Variants in TRIM24 observed in about 807,000 individuals in gnomAD.
The protein encoded by TRIM24 is transcription intermediary factor 1-alpha.
Under a neutral mutation model 123.9 loss-of-function variants are expected in TRIM24, and 29 were observed. The ratio of observed to expected loss-of-function variants is 0.23; its 90% CI spans 0.17 to 0.32. The LOEUF (loss-of-function observed/expected upper bound fraction) is 0.32, where lower values mean the gene tolerates loss of function less well. Among genes scored for constraint, TRIM24 ranks in the 10% least tolerant of loss-of-function variants. TRIM24 has a pLI of 1.00. For synonymous variants in TRIM24, 456 were observed against 461.1 expected (o/e 0.99, Z 0.14); for missense variants, 932 against 1,295.3 (o/e 0.72, Z 4.31).
At chr7:138,470,060 C>T (rs1044783502) in intron 1 of TRIM24, among the ~76,000 whole-genome samples, 4 of 151,888 alleles carry the variant, frequency 2.6e-5, no homozygotes, top group African/African-American at 9.7e-5. Flanking sequence ...CACAGCTGCC[C>T]TAGAGGTCAT....
rs1407601226 is a variant in TRIM24, at chr7:138,579,251, T to C, written c.2304T>C (p.Ser768=). 1.2e-6 allele frequency: 2 copies of C among 1,612,088 alleles called. No individual in the cohort carries two copies. The highest frequency in any genetic ancestry group is 2.7e-5 in the African/African-American group (2 of 74,994). Reference sequence around the variant, plus strand: ...TCACCTCCCTGCTCTTAAATAGCAGTCAGAGCTCTACTTCTGAGGAGACTG... The same window carrying C: ...TCACCTCCCTGCTCTTAAATAGCAGCCAGAGCTCTACTTCTGAGGAGACTG... ...SILTSLLLNS[S]QSSTSEETVL... The change falls in exon 15 of 19, where the codon AGT becomes AGC. Residue 768 remains serine (S), a synonymous_variant. Coordinates refer to ENST00000343526, the MANE Select transcript of TRIM24 (RefSeq NM_015905.3).
chr7:138,469,822 A>G (rs1795231257), intron 1 of TRIM24, among the ~76,000 whole-genome samples: 1 of 152,214 alleles, frequency 6.6e-6, no homozygotes, highest in African/African-American at 2.4e-5. Flanking sequence ...AAGCATGTCA[A>G]ATGGCTACAT....
intron 1 of TRIM24, among the ~76,000 whole-genome samples, chr7:138,483,464 T>A (rs1795575978): frequency 6.6e-6 from 1 of 152,246 alleles, no homozygotes; most frequent in African/African-American, 2.4e-5. Context: ...ATCTTGTTCC[T>A]GATCTCAGAA....
In TRIM24 at chr7:138,549,691, T is replaced by A. The variant is rs185589200; in HGVS notation, c.1144-1372T>A. Among the ~76,000 whole-genome samples, 7 of 152,072 alleles carry A rather than the reference T, an allele frequency of 4.6e-5. No homozygotes were observed. The East Asian group carries it at 1.2e-3, about 25-fold the overall frequency. On this transcript the variant is annotated intron_variant, in intron 7 of 18. Transcript: ENST00000343526. Reference sequence around the variant, plus strand: ...TTGAAGAGTTTTGCTGCAAAAGAAATGGGGTAGTTGATGATGGGAGAAAAG... The same window carrying A: ...TTGAAGAGTTTTGCTGCAAAAGAAAAGGGGTAGTTGATGATGGGAGAAAAG...
chr7:138,509,393 A>G (rs926975913), intron 2 of TRIM24, among the ~76,000 whole-genome samples: 1 of 149,838 alleles, frequency 6.7e-6, no homozygotes, highest in African/African-American at 2.4e-5. Flanking sequence ...ATTAGGAATC[A>G]TTTTAATTCT....
intron 4 of TRIM24, among the ~76,000 whole-genome samples, chr7:138,520,297 G>T (rs1796480227): frequency 6.6e-6 from 1 of 152,204 alleles, no homozygotes; most frequent in Non-Finnish European, 1.5e-5. Flanking sequence ...CTAGTAAGTT[G>T]TTCCTCACAG....
At chr7:138,498,911 G>A (rs968503630) in intron 1 of TRIM24, among the ~76,000 whole-genome samples, 3 of 152,156 alleles carry the variant, frequency 2.0e-5, no homozygotes, top group Non-Finnish European at 4.4e-5. Context: ...TGGGATTACA[G>A]GTGTGAGCCA....
At chr7:138,473,203 C>T (rs1323387683) in intron 1 of TRIM24, among the ~76,000 whole-genome samples, 1 of 152,116 alleles carries the variant, frequency 6.6e-6, no homozygotes, top group Non-Finnish European at 1.5e-5. Context: ...TTGCTTGAAC[C>T]CAGGAGGCGG....
rs182563199 is a variant in TRIM24, at chr7:138,534,993, G to C, written c.997-3664G>C. On this transcript the variant is annotated intron_variant, in intron 6 of 18. Coordinates refer to ENST00000343526, the MANE Select transcript of TRIM24 (RefSeq NM_015905.3). ...AATGGCCTTCTTTGTCTCTTTTGAT[G>C]TTTGTTGGTTTAAAGTCTGTTTTAT... 2.8e-3 allele frequency among the ~76,000 whole-genome samples: 425 copies of C among 152,154 alleles called. 1 individual carries two copies. The highest frequency in any genetic ancestry group is 9.7e-3 in the African/African-American group (401 of 41,520).
chr7:138,531,934 A>C (rs562884078), intron 6 of TRIM24, among the ~76,000 whole-genome samples: 155 of 152,158 alleles, frequency 1.0e-3, no homozygotes, highest in African/African-American at 3.5e-3. Context: ...CTGGTATCTC[A>C]TTGTGGTTTT....
At chr7:138,494,651 A>C (rs762089806) in intron 1 of TRIM24, among the ~76,000 whole-genome samples, 1 of 152,164 alleles carries the variant, frequency 6.6e-6, no homozygotes, top group Non-Finnish European at 1.5e-5. Flanking sequence ...AACTAAAACT[A>C]TACCAATATA....
chr7:138,502,221 G>T (rs1008907607), intron 1 of TRIM24, among the ~76,000 whole-genome samples: 3 of 152,156 alleles, frequency 2.0e-5, no homozygotes, highest in African/African-American at 7.2e-5. Context: ...TTAGCTGGAC[G>T]GTACAGGGCT....
At chr7:138,525,390 A>G in intron 5 of TRIM24, 33 bp downstream of exon 5, 1 of 1,233,910 alleles carries the variant, frequency 8.1e-7, no homozygotes, top group Non-Finnish European at 1.1e-6. Flanking sequence ...TCATTTTTAT[A>G]TAATTTGTTA....
At chr7:138,578,568 G>GCA (rs1554445376) in intron 14 of TRIM24, among the ~76,000 whole-genome samples, 5 of 138,236 alleles carry the variant, frequency 3.6e-5, no homozygotes, top group Admixed American at 7.3e-5. Flanking sequence ...GTGTGTGCGC[G>GCA]CACGCACGAA....
intron 7 of TRIM24, among the ~76,000 whole-genome samples, chr7:138,545,881 T>C (rs1797091313): frequency 6.6e-6 from 1 of 152,168 alleles, no homozygotes; most frequent in South Asian, 2.1e-4. Context: ...TAATAAATTA[T>C]AACACACTGA....
intron 9 of TRIM24, among the ~76,000 whole-genome samples, chr7:138,559,261 G>C (rs530356048): frequency 6.6e-6 from 1 of 152,210 alleles, no homozygotes; most frequent in South Asian, 2.1e-4. Context: ...CCTAGTTATG[G>C]TGCTCCCCGA....
At position 138,522,899 on chromosome 7, in the gene TRIM24, A is replaced by G. The variant is rs149395313; in HGVS notation, c.765-2342A>G. Among the ~76,000 whole-genome samples the G allele has an allele frequency of 2.6e-5, 4 of 152,340 alleles. No homozygotes were observed. In the East Asian group the frequency reaches 7.7e-4, roughly 29 times the overall value. On this transcript the variant is annotated intron_variant, in intron 4 of 18. Coordinates refer to ENST00000343526, the MANE Select transcript of TRIM24 (RefSeq NM_015905.3). ...GGTAGAAAACATTTTCATCTGAATGATAGTGAAAAACATCAGTCAATCAAG... is the reference window on the plus strand; with the variant it reads ...GGTAGAAAACATTTTCATCTGAATGGTAGTGAAAAACATCAGTCAATCAAG...
At chr7:138,474,417 G>A (rs1021656139) in intron 1 of TRIM24, among the ~76,000 whole-genome samples, 1 of 152,104 alleles carries the variant, frequency 6.6e-6, no homozygotes, top group Non-Finnish European at 1.5e-5. Flanking sequence ...GAGCCACCGC[G>A]CCCGGCCTAT....
intron 1 of TRIM24, among the ~76,000 whole-genome samples, chr7:138,485,940 G>A (rs994674941): frequency 2.0e-5 from 3 of 152,128 alleles, no homozygotes; most frequent in Admixed American, 1.3e-4. Context: ...GGTTAAACCA[G>A]TTTACACTCC....
Sources: gnomAD v4.1 joint callset for allele counts (sites outside exome capture counted in the v4.1 genomes callset) on GRCh38, gnomAD v4.1.1 for gene constraint, MANE v1.5 for transcripts, NCBI Gene and HGNC (gene_info 2026-07-23, HGNC 2026-07-21) for gene names.